Variants in EHD4 observed in about 807,000 individuals in gnomAD.
The protein encoded by EHD4 is EH domain-containing protein 4.
A neutral mutation model predicts 51.0 loss-of-function variants in EHD4; 37 were observed. The ratio of observed to expected loss-of-function variants is 0.73; its 90% confidence interval spans 0.56 to 0.95. The LOEUF is 0.95. Among genes scored for constraint, EHD4 ranks in the 40% least tolerant of loss-of-function variants. EHD4 has a pLI of 0.00. For missense variants in EHD4, 632 were observed against 733.1 expected, an observed-to-expected ratio of 0.86 and a Z score of 1.59; for synonymous variants, 297 against 317.3, an observed-to-expected ratio of 0.94 and a Z score of 0.68.
At chr15:41,932,815 G>C (rs2067707538) in intron 3 of EHD4, among the ~76,000 whole-genome samples, 1 of 152,122 alleles carries the variant, frequency 6.6e-6, no homozygotes, top group Non-Finnish European at 1.5e-5. Context: ...TGGATCTCTG[G>C]AAGAGCAAGG....
chr15:41,937,417 G>A (rs933043722), intron 3 of EHD4, among the ~76,000 whole-genome samples: 3 of 152,156 alleles, frequency 2.0e-5, no homozygotes, highest in Non-Finnish European at 4.4e-5. Context: ...TCATGTCTTC[G>A]TCTCAGTTTG....
chr15:41,936,767 C>T (rs2067734166), intron 3 of EHD4, among the ~76,000 whole-genome samples: 1 of 152,236 alleles, frequency 6.6e-6, no homozygotes, highest in Non-Finnish European at 1.5e-5. Flanking sequence ...TGGCGATATG[C>T]TCACATCAGG....
intron 1 of EHD4, among the ~76,000 whole-genome samples, chr15:41,961,514 A>T (rs1192830692): frequency 1.3e-5 from 2 of 152,220 alleles, no homozygotes; most frequent in Non-Finnish European, 2.9e-5. Flanking sequence ...AGCATATCCC[A>T]AAGTTACTTG....
At chr15:41,971,846 T>G (rs774903228) in intron 1 of EHD4, among the ~76,000 whole-genome samples, 2 of 152,208 alleles carry the variant, frequency 1.3e-5, no homozygotes, top group African/African-American at 4.8e-5. Flanking sequence ...AACAAATGAA[T>G]AGTTAAACAA....
chr15:41,941,406 G>A (rs961069407), intron 3 of EHD4, among the ~76,000 whole-genome samples: 13 of 152,230 alleles, frequency 8.5e-5, no homozygotes, highest in Middle Eastern at 3.4e-3. Context: ...TTGCATATGC[G>A]CAGGAAAAAG....
intron 3 of EHD4, among the ~76,000 whole-genome samples, chr15:41,926,871 T>C (rs1223018520): frequency 6.6e-6 from 1 of 152,156 alleles, no homozygotes; most frequent in Non-Finnish European, 1.5e-5. Flanking sequence ...TTTCCTCTTC[T>C]CCAACTACAG....
At chr15:41,942,889 T>G (rs1193793676) in intron 3 of EHD4, 178 bp downstream of exon 3, 2 of 569,074 alleles carry the variant, frequency 3.5e-6, no homozygotes, top group Non-Finnish European at 6.3e-6. Flanking sequence ...AATATAAGCC[T>G]CTGGAGGGGG....
intron 3 of EHD4, among the ~76,000 whole-genome samples, chr15:41,929,395 T>C (rs2067684122): frequency 6.6e-6 from 1 of 152,182 alleles, no homozygotes; most frequent in African/African-American, 2.4e-5. Context: ...ACATCACAGG[T>C]TCGTGCCACG....
chr15:41,964,102 G>A (rs1308566308), intron 1 of EHD4, among the ~76,000 whole-genome samples: 3 of 127,486 alleles, frequency 2.4e-5, no homozygotes, highest in South Asian at 2.6e-4. Context: ...CTGAGATCGC[G>A]CCACTGCACT....
chr15:41,935,687 A>G (rs2067727445), intron 3 of EHD4, among the ~76,000 whole-genome samples: 1 of 152,188 alleles, frequency 6.6e-6, no homozygotes, highest in Admixed American at 6.5e-5. Context: ...CTGGAACCAG[A>G]CTGCCTGGTT....
At chr15:41,942,848 A>G (rs2067783512) in intron 3 of EHD4, 3 of 367,326 alleles carry the variant, frequency 8.2e-6, no homozygotes, top group Admixed American at 9.2e-5. Context: ...TCATTTACTC[A>G]TGTGTAACTT....
Position 41,943,056 on chromosome 15 carries a change from C to T in EHD4, c.511+11G>A, listed in dbSNP as rs777045154. 6 of 1,562,358 alleles carry T rather than the reference C, an allele frequency of 3.8e-6. No homozygotes were observed. The highest frequency in any genetic ancestry group is 5.2e-6 in the Non-Finnish European group (6 of 1,152,376). On this transcript the variant is annotated intron_variant, in intron 3 of 5. Coordinates refer to ENST00000220325, the MANE Select transcript of EHD4 (RefSeq NM_139265.4). ...AGCACTTGGTGGGGAGGGGCAGGGA[C>T]AGGCACTGACCTCGGCTGATGCGCT...
chr15:41,919,810 A>C (rs1376982734), intron 3 of EHD4, among the ~76,000 whole-genome samples, 188 bp from the exon 4 acceptor site: 1 of 151,890 alleles, frequency 6.6e-6, no homozygotes, highest in Non-Finnish European at 1.5e-5. Context: ...GGACCTGGGG[A>C]GCCCTTCCAC....
rs1338641427 is a variant in EHD4, at chr15:41,955,985, C to T, written c.237-2045G>A. Among the ~76,000 whole-genome samples the T allele has an allele frequency of 1.3e-5, 2 of 152,124 alleles. 1 individual carries two copies. Among genetic ancestry groups the T allele is most frequent in the South Asian group, 4.1e-4 (2 of 4,832 alleles). ...GGGCTATGTCTGGAGGCTGGTATGA[C>T]TGAGGGAGGAGAGACTGCTGGGGAG... is the stretch of plus-strand genomic sequence containing the variant. On this transcript the variant is annotated intron_variant, in intron 1 of 5. Transcript: ENST00000220325.
At chr15:41,922,602 C>T (rs1180048300) in intron 3 of EHD4, among the ~76,000 whole-genome samples, 2 of 152,162 alleles carry the variant, frequency 1.3e-5, no homozygotes, top group African/African-American at 2.4e-5. Flanking sequence ...CTCCCAGGGC[C>T]GCCTGGGTTG....
At chr15:41,916,055 G>T (rs574107778) in intron 4 of EHD4, among the ~76,000 whole-genome samples, 1 of 152,302 alleles carries the variant, frequency 6.6e-6, no homozygotes, top group South Asian at 2.1e-4. Context: ...ATGAATCCTG[G>T]TTAATTATGG....
chr15:41,934,829 C>T (rs1023181419), intron 3 of EHD4, among the ~76,000 whole-genome samples: 38 of 152,214 alleles, frequency 2.5e-4, no homozygotes, highest in African/African-American at 8.9e-4. Context: ...AGCAACCAAA[C>T]ACGCCCAGAG....
At chr15:41,962,090 A>T (rs1027566780) in intron 1 of EHD4, among the ~76,000 whole-genome samples, 1 of 152,248 alleles carries the variant, frequency 6.6e-6, no homozygotes, top group Non-Finnish European at 1.5e-5. Flanking sequence ...GCTCCATAGG[A>T]CCTGTATGAG....
chr15:41,970,127 G>A (rs2067986587), intron 1 of EHD4, among the ~76,000 whole-genome samples: 1 of 152,174 alleles, frequency 6.6e-6, no homozygotes, highest in South Asian at 2.1e-4. Flanking sequence ...AGTCTCCAGG[G>A]TAGCTGCCCT....
Sources: allele counts gnomAD v4.1 joint callset (sites outside exome capture counted in the v4.1 genomes callset), GRCh38; gene constraint gnomAD v4.1.1; transcripts MANE v1.5; gene names NCBI Gene and HGNC (gene_info 2026-07-23, HGNC 2026-07-21).